The following ROR1 variants were observed in gnomAD, a reference collection of about 807,000 sequenced individuals.
The protein encoded by ROR1 is ROR family WNT receptor 1, also known as inactive tyrosine-protein kinase transmembrane receptor ROR1.
ROR1 carries 19 observed loss-of-function variants against 78.8 expected under a neutral mutation model. The ratio of observed to expected loss-of-function variants is 0.24; its 90% CI spans 0.17 to 0.35. The LOEUF (loss-of-function observed/expected upper bound fraction) is 0.35. Among genes scored for constraint, ROR1 ranks in the 10% least tolerant of loss-of-function variants. ROR1 has a pLI of 1.00. For missense variants in ROR1, 917 were observed against 1,177.8 expected (o/e 0.78, Z 3.24); for synonymous variants, 386 against 433.6 (o/e 0.89, Z 1.36).
intron 1 of ROR1, among the ~76,000 whole-genome samples, chr1:63,863,822 G>C (rs1645198537): frequency 6.7e-6 from 1 of 149,896 alleles, no homozygotes; most frequent in African/African-American, 2.5e-5. Flanking sequence ...GGCGATACTT[G>C]TTCAGTTAAC....
In ROR1 at chr1:64,035,807, C is replaced by T. The variant is rs144364644; in HGVS notation, c.164-13884C>T. Among the ~76,000 whole-genome samples, 63 of 152,250 alleles carry T rather than the reference C, an allele frequency of 4.1e-4. 1 individual carries two copies. The East Asian group carries it at 8.9e-3, about 21-fold the overall frequency. The stretch of plus-strand genomic sequence containing the variant: ...CGGCAGCTTTCCAGTTCTTGGTTCT[C>T]GTTCCTCCCGAAACCTGGCCAGACA... On this transcript the variant is annotated intron_variant, in intron 2 of 8. Transcript: ENST00000371079.
chr1:64,085,589 T>C (rs1647145945), intron 4 of ROR1, among the ~76,000 whole-genome samples: 1 of 152,144 alleles, frequency 6.6e-6, no homozygotes, highest in Admixed American at 6.5e-5. Flanking sequence ...CAAAATGCTT[T>C]TCACCACAGC....
chr1:63,943,899 T>C (rs1246683333), intron 1 of ROR1, among the ~76,000 whole-genome samples: 3 of 152,174 alleles, frequency 2.0e-5, no homozygotes, highest in Non-Finnish European at 4.4e-5. Context: ...CAGAGTTTAT[T>C]CTTTCGTCTC....
intron 1 of ROR1, among the ~76,000 whole-genome samples, chr1:63,777,542 G>A (rs1229257787): frequency 1.3e-5 from 2 of 152,168 alleles, no homozygotes; most frequent in Admixed American, 6.5e-5. Context: ...AGTATACATG[G>A]TAGGCTGTTT....
At chr1:63,948,814 A>G (rs570712598) in intron 1 of ROR1, among the ~76,000 whole-genome samples, 24 of 152,206 alleles carry the variant, frequency 1.6e-4, no homozygotes, top group Admixed American at 3.3e-4. Flanking sequence ...AAAGCCCTGT[A>G]TGAACCAGGA....
intron 4 of ROR1, among the ~76,000 whole-genome samples, chr1:64,057,559 G>A (rs1203801371): frequency 6.6e-6 from 1 of 152,188 alleles, no homozygotes; most frequent in Non-Finnish European, 1.5e-5. Context: ...ATAGTCCACA[G>A]GTAGAATTTC....
intron 4 of ROR1, among the ~76,000 whole-genome samples, chr1:64,062,290 TTTTTTGTTG>T (rs1557633338): frequency 6.6e-6 from 1 of 152,000 alleles, no homozygotes; most frequent in Non-Finnish European, 1.5e-5. Flanking sequence ...CATGTGGGTG[TTTTTTGTTG>T]TTTTTGTTGT....
chr1:63,971,022 C>A (rs1051115273), intron 1 of ROR1, among the ~76,000 whole-genome samples: 2 of 152,240 alleles, frequency 1.3e-5, no homozygotes, highest in African/African-American at 4.8e-5. Flanking sequence ...TCCTCTCACT[C>A]AGACAGTATC....
At chr1:63,788,324 G>A (rs1207364336) in intron 1 of ROR1, among the ~76,000 whole-genome samples, 1 of 152,142 alleles carries the variant, frequency 6.6e-6, no homozygotes, top group Non-Finnish European at 1.5e-5. Context: ...CTACCATTCA[G>A]AGATAACTTC....
chr1:64,091,381 T>C (rs1215788071), intron 4 of ROR1, among the ~76,000 whole-genome samples: 1 of 152,168 alleles, frequency 6.6e-6, no homozygotes, highest in Non-Finnish European at 1.5e-5. Flanking sequence ...AATCCTAGGA[T>C]TATATACCAT....
At chr1:64,136,022 C>T (rs1371673144) in intron 4 of ROR1, among the ~76,000 whole-genome samples, 3 of 152,154 alleles carry the variant, frequency 2.0e-5, no homozygotes, top group South Asian at 2.1e-4. Context: ...CAGCACTAAC[C>T]GCAGTGCCTC....
chr1:64,046,114 G>A (rs1646780782), intron 2 of ROR1, among the ~76,000 whole-genome samples: 1 of 152,158 alleles, frequency 6.6e-6, no homozygotes, highest in Non-Finnish European at 1.5e-5. Context: ...TGCCCATATA[G>A]AAACACAAAC....
At chr1:64,067,165 T>C (rs931480159) in intron 4 of ROR1, among the ~76,000 whole-genome samples, 41 of 151,476 alleles carry the variant, frequency 2.7e-4, no homozygotes, top group African/African-American at 8.5e-4. Flanking sequence ...GCCTGGGCAA[T>C]GTGGCGAAAC....
chr1:64,150,415 C>T (rs1156891454), intron 7 of ROR1, among the ~76,000 whole-genome samples: 1 of 152,224 alleles, frequency 6.6e-6, no homozygotes, highest in Non-Finnish European at 1.5e-5. Context: ...CTTACAAACA[C>T]CCACCCTGGG....
intron 1 of ROR1, among the ~76,000 whole-genome samples, chr1:63,952,678 G>A (rs1296782751): frequency 6.6e-6 from 1 of 152,172 alleles, no homozygotes; most frequent in Non-Finnish European, 1.5e-5. Context: ...CTTGAAGCCA[G>A]GCCAGGGGAA....
intron 1 of ROR1, among the ~76,000 whole-genome samples, chr1:63,974,709 C>A (rs751087770): frequency 1.9e-4 from 29 of 152,188 alleles, no homozygotes; most frequent in Admixed American, 1.4e-3. Flanking sequence ...ATGATCGTAG[C>A]CCACTGTAAC....
At chr1:64,140,919 CATT>C (rs1379537292) in intron 6 of ROR1, among the ~76,000 whole-genome samples, 1 of 152,080 alleles carries the variant, frequency 6.6e-6, no homozygotes, top group Non-Finnish European at 1.5e-5. Context: ...ACCTGGAAAA[CATT>C]ATACTAAGTA....
chr1:63,814,716 C>T (rs1644879240), intron 1 of ROR1, among the ~76,000 whole-genome samples: 2 of 152,028 alleles, frequency 1.3e-5, no homozygotes, highest in Admixed American at 1.3e-4. Flanking sequence ...AATCTAATGC[C>T]ACCACTGATC....
intron 1 of ROR1, among the ~76,000 whole-genome samples, chr1:63,916,299 A>G (rs1168506093): frequency 6.6e-6 from 1 of 152,204 alleles, no homozygotes; most frequent in African/African-American, 2.4e-5. Context: ...GCGCCTTCTC[A>G]AGAAGGGCTC....
Sources: gnomAD v4.1 joint callset for allele counts (sites outside exome capture counted in the v4.1 genomes callset) on GRCh38, gnomAD v4.1.1 for gene constraint, MANE v1.5 for transcripts, NCBI Gene and HGNC (gene_info 2026-07-23, HGNC 2026-07-21) for gene names.